PTPN9: variants seen among roughly 807,000 people sequenced by gnomAD.
PTPN9 encodes protein tyrosine phosphatase non-receptor type 9.
PTPN9 carries 26 observed loss-of-function variants against 69.8 expected under a neutral mutation model. The ratio of observed to expected loss-of-function variants is 0.37; its 90% confidence interval spans 0.27 to 0.52. PTPN9 has a LOEUF of 0.52. Among genes scored for constraint, PTPN9 ranks in the 20% least tolerant of loss-of-function variants. The pLI, the probability that PTPN9 is intolerant of heterozygous loss-of-function variation, is 0.91. For missense variants in PTPN9, 549 were observed against 740.3 expected, an observed-to-expected ratio of 0.74 and a Z score of 3.00; for synonymous variants, 274 against 272.5, an observed-to-expected ratio of 1.01 and a Z score of -0.05.
chr15:75,561,806 T>C (rs1229988775), intron 1 of PTPN9, among the ~76,000 whole-genome samples: 1 of 152,082 alleles, frequency 6.6e-6, no homozygotes, highest in Non-Finnish European at 1.5e-5. Context: ...GCCTCCTGGA[T>C]TCAAGAGATT....
intron 1 of PTPN9, among the ~76,000 whole-genome samples, chr15:75,544,901 C>T (rs1387370091): frequency 6.6e-6 from 1 of 152,070 alleles, no homozygotes; most frequent in Non-Finnish European, 1.5e-5. Flanking sequence ...AGTTGGCTTT[C>T]CAGATCATGC....
chr15:75,573,653 GTACAAC>G (rs1471155354), intron 1 of PTPN9, among the ~76,000 whole-genome samples: 2 of 152,186 alleles, frequency 1.3e-5, no homozygotes, highest in East Asian at 3.8e-4. Context: ...CAAATCAAGA[GTACAAC>G]TACTCTTCAT....
intron 1 of PTPN9, among the ~76,000 whole-genome samples, chr15:75,567,121 T>C (rs1371843443): frequency 6.6e-6 from 1 of 151,912 alleles, no homozygotes; most frequent in Non-Finnish European, 1.5e-5. Context: ...GTTCAAGTGA[T>C]TCTCCTGCCT....
intron 7 of PTPN9, among the ~76,000 whole-genome samples, chr15:75,503,784 C>T (rs1239067207): frequency 8.1e-6 from 1 of 123,556 alleles, no homozygotes; most frequent in Admixed American, 7.5e-5. Flanking sequence ...GGGGGGTCAG[C>T]CCCCCGTCCG....
chr15:75,557,737 C>T (rs1422442855), intron 1 of PTPN9, among the ~76,000 whole-genome samples: 1 of 152,166 alleles, frequency 6.6e-6, no homozygotes, highest in Non-Finnish European at 1.5e-5. Context: ...TTTACCAATA[C>T]TTGTAGCACT....
At chr15:75,560,886 G>T (rs2075101462) in intron 1 of PTPN9, among the ~76,000 whole-genome samples, 1 of 151,948 alleles carries the variant, frequency 6.6e-6, no homozygotes, top group African/African-American at 2.4e-5. Context: ...AGGCATGGTG[G>T]CTCGTGCCTG....
At chr15:75,476,120 C>T (rs1045292703) in intron 9 of PTPN9, among the ~76,000 whole-genome samples, 1 of 152,172 alleles carries the variant, frequency 6.6e-6, no homozygotes, top group Non-Finnish European at 1.5e-5. Flanking sequence ...TCATACCACT[C>T]TGTCACCCAG....
rs151188095 is a variant in PTPN9 at position 75,486,695 on chromosome 15, A to G, written c.1062+3513T>C. ...ACCTGAATCCTCCAAATAACAAGGT[A>G]TTGTATACTTGAAAATTGCGGACAG... On this transcript the variant is annotated intron_variant, in intron 8 of 12. Transcript: ENST00000618819. Among the ~76,000 whole-genome samples, 43 of 151,970 alleles carry G rather than the reference A, an allele frequency of 2.8e-4. No individual in the cohort carries two copies. The East Asian group carries it at 8.1e-3, about 29-fold the overall frequency.
intron 1 of PTPN9, among the ~76,000 whole-genome samples, chr15:75,552,126 C>G (rs146516877): frequency 6.6e-6 from 1 of 151,436 alleles, no homozygotes; most frequent in South Asian, 2.1e-4. Context: ...CTGCCGGGCA[C>G]GGCGGCTCAC....
chr15:75,496,884 G>C (rs2074745711), intron 7 of PTPN9, among the ~76,000 whole-genome samples: 1 of 152,088 alleles, frequency 6.6e-6, no homozygotes, highest in Non-Finnish European at 1.5e-5. Context: ...CATGATTATA[G>C]GTAATGGAAC....
chr15:75,539,937 C>CCCAA (rs2075001344), intron 1 of PTPN9, among the ~76,000 whole-genome samples: 1 of 152,304 alleles, frequency 6.6e-6, no homozygotes, highest in South Asian at 2.1e-4. Flanking sequence ...CCCCTGACCT[C>CCCAA]CCAAAGTGCT....
At chr15:75,510,657 C>G (rs1260815321) in intron 5 of PTPN9, among the ~76,000 whole-genome samples, 1 of 143,012 alleles carries the variant, frequency 7.0e-6, no homozygotes, top group African/African-American at 2.6e-5. Context: ...TTTTTTTTTA[C>G]TGCTGTACCA....
At chr15:75,558,423 C>T (rs1220585596) in intron 1 of PTPN9, among the ~76,000 whole-genome samples, 1 of 152,180 alleles carries the variant, frequency 6.6e-6, no homozygotes, top group African/African-American at 2.4e-5. Context: ...ACGAGAACTG[C>T]TTGAACCTGG....
intron 8 of PTPN9, among the ~76,000 whole-genome samples, chr15:75,485,821 C>T (rs1305796675): frequency 6.6e-6 from 1 of 151,310 alleles, no homozygotes; most frequent in East Asian, 2.0e-4. Context: ...AAACTGAAGG[C>T]CGGGCGCAGT....
intron 9 of PTPN9, among the ~76,000 whole-genome samples, chr15:75,476,031 C>T (rs2074594188): frequency 6.6e-6 from 1 of 152,004 alleles, no homozygotes; most frequent in Admixed American, 6.6e-5. Flanking sequence ...CCCAGCTACT[C>T]AGGAGACTGA....
In PTPN9 at chr15:75,470,725, G is replaced by A. The variant is rs746928045; in HGVS notation, c.1314C>T (p.Asn438=). 1.9e-6 allele frequency: 3 copies of A among 1,614,192 alleles called. No homozygotes were observed. In the East Asian group the frequency reaches 6.7e-5, roughly 36 times the overall value. Residue 438 remains asparagine (N), a synonymous_variant, in exon 11 of 13, where the codon AAC becomes AAT. Coordinates refer to ENST00000618819, the MANE Select transcript of PTPN9 (RefSeq NM_002833.4). ...FLTVTNLGVE[N]MNHYKKTTLE... ...GCGTTGTTTTCTTATAATGATTCAT[G>A]TTCTCCACGCCTAGATTGGTCACTG...
intron 1 of PTPN9, among the ~76,000 whole-genome samples, chr15:75,568,507 CAA>C (rs1206871976): frequency 1.4e-4 from 8 of 56,232 alleles, no homozygotes; most frequent in Non-Finnish European, 1.2e-4. Context: ...GACCTTGTCT[CAA>C]AAAAAAAAAA....
chr15:75,505,956 C>A lies in PTPN9; in HGVS notation c.687G>T (p.Glu229Asp). Residue 229 changes from glutamate (E) to aspartate (D), a missense_variant, in exon 7 of 13, where the codon GAG (glutamate) becomes GAT (aspartate). Around this residue, in one of 3 missense-constraint regions of PTPN9, gnomAD observed 457 missense variants for 661.9 expected, o/e 0.69. Coordinates refer to ENST00000618819, the MANE Select transcript of PTPN9 (RefSeq NM_002833.4). ...TSEVTQHLPRECLPENLGGYV... is the reference protein window; with the variant it reads ...TSEVTQHLPRDCLPENLGGYV... ...ACCCACCCAGGTTTTCTGGAAGACA[C>A]TCCCTGGGCAGATGCTGCGTGACCT... The A allele has an allele frequency of 6.2e-7, 1 of 1,614,082 alleles. No individual in the cohort carries two copies. Among genetic ancestry groups the A allele is most frequent in the Non-Finnish European group, 8.5e-7 (1 of 1,179,972 alleles).
chr15:75,482,933 C>T (rs940524098), intron 8 of PTPN9, among the ~76,000 whole-genome samples: 3 of 151,126 alleles, frequency 2.0e-5, no homozygotes, highest in South Asian at 2.1e-4. Context: ...CCAGCCTGAG[C>T]GACAGAGCGA....
Sources: allele counts gnomAD v4.1 joint callset (sites outside exome capture counted in the v4.1 genomes callset), GRCh38; gene constraint gnomAD v4.1.1; regional missense constraint gnomAD v4.1.1; transcripts MANE v1.5; gene names NCBI Gene and HGNC (gene_info 2026-07-23, HGNC 2026-07-21).